INO80D: variants seen among roughly 807,000 people sequenced by gnomAD.
INO80D encodes the protein INO80 complex subunit D.
Under a neutral mutation model 87.6 loss-of-function variants are expected in INO80D, and 21 were observed. That is an observed-to-expected ratio of 0.24 (90% confidence interval 0.17 to 0.35). The LOEUF (loss-of-function observed/expected upper bound fraction) is 0.35, where lower values mean the gene tolerates loss of function less well. Among genes scored for constraint, INO80D ranks in the 10% least tolerant of loss-of-function variants. INO80D has a pLI of 1.00. For synonymous variants in INO80D, 440 were observed against 491.0 expected, an observed-to-expected ratio of 0.90 and a Z score of 1.37; for missense variants, 982 against 1,280.7, an observed-to-expected ratio of 0.77 and a Z score of 3.56.
At position 206,002,503 on chromosome 2, in the gene INO80D, T is replaced by C. The variant is rs1000787021; in HGVS notation, c.*1865A>G. 2 of 152,240 alleles carry C rather than the reference T, an allele frequency of 1.3e-5. No individual in the cohort carries two copies. The highest frequency in any genetic ancestry group is 2.9e-5 in the Non-Finnish European group (2 of 68,034). 9.4% of individuals were successfully genotyped at this position (152,240 alleles called of 1,614,324 possible). On this transcript the variant is annotated 3_prime_UTR_variant, in exon 11 of 11. Coordinates refer to ENST00000403263, the MANE Select transcript of INO80D (RefSeq NM_017759.5). ...ACTAAATATATTACAAACATATTTT[T>C]GGCCCACAAAAAGAAACATCAATAA...
chr2:206,017,085 T>C (rs1688339272), intron 8 of INO80D, among the ~76,000 whole-genome samples: 1 of 152,154 alleles, frequency 6.6e-6, no homozygotes, highest in Non-Finnish European at 1.5e-5. Flanking sequence ...AAAGCCAGGA[T>C]CACAGGTTCC....
intron 1 of INO80D, among the ~76,000 whole-genome samples, chr2:206,074,683 T>A (rs1229399554): frequency 6.6e-6 from 1 of 152,232 alleles, no homozygotes; most frequent in Non-Finnish European, 1.5e-5. Flanking sequence ...CTCACGCCTG[T>A]AATTGCAGCA....
At chr2:206,060,826 C>T (rs1275831766) in intron 3 of INO80D, among the ~76,000 whole-genome samples, 1 of 152,018 alleles carries the variant, frequency 6.6e-6, no homozygotes, top group Non-Finnish European at 1.5e-5. Context: ...TCCCAAAGTG[C>T]TGGGATTACA....
Position 206,029,641 on chromosome 2 carries a change from A to G in INO80D, c.1074-1306T>C, listed in dbSNP as rs1305390643. ...ATAACAGGCTACTCTATAAACTTCTACTTAGTACCTCTCCTAAGAAGCACA... is the reference window on the plus strand; with the variant it reads ...ATAACAGGCTACTCTATAAACTTCTGCTTAGTACCTCTCCTAAGAAGCACA... On this transcript the variant is annotated intron_variant, in intron 5 of 10. Transcript: ENST00000403263. Among the ~76,000 whole-genome samples, 7 of 152,230 alleles carry G rather than the reference A, an allele frequency of 4.6e-5. 1 individual carries two copies. The South Asian group carries it at 1.2e-3, about 27-fold the overall frequency.
At chr2:206,065,040 T>C (rs1261562094) in intron 1 of INO80D, among the ~76,000 whole-genome samples, 1 of 152,074 alleles carries the variant, frequency 6.6e-6, no homozygotes, top group Non-Finnish European at 1.5e-5. Flanking sequence ...AGAATGAAAC[T>C]AGACCCCCAC....
At position 206,056,398 on chromosome 2, in the gene INO80D, G is replaced by A. The variant is rs533369239; in HGVS notation, c.764C>T (p.Ala255Val). 45 of 1,613,924 alleles carry A rather than the reference G, an allele frequency of 2.8e-5. No individual in the cohort carries two copies. The East Asian group carries it at 7.4e-4, about 26-fold the overall frequency. ...AGGCCTCTTGTGAGACAACTGCCGT[G>A]CTTGTGCTATAGTGTGTGTGGTGGG... ...VAPTTHTIAQ[A>V]RQLSHKRPLP... The change falls in exon 4 of 11, where the codon GCA becomes GTA. Residue 255 changes from alanine (A) to valine (V), a missense_variant. Coordinates refer to ENST00000403263, the MANE Select transcript of INO80D (RefSeq NM_017759.5).
intron 1 of INO80D, among the ~76,000 whole-genome samples, chr2:206,076,498 A>T (rs35542139): frequency 0.016 from 2,363 of 152,364 alleles, 24 homozygotes; most frequent in South Asian, 0.029. Flanking sequence ...CAGACTGAGG[A>T]ATGATGAAAA....
intron 6 of INO80D, among the ~76,000 whole-genome samples, chr2:206,021,676 G>A (rs950626978): frequency 5.9e-5 from 9 of 152,070 alleles, no homozygotes; most frequent in East Asian, 1.9e-4. Flanking sequence ...GCAATGGTGC[G>A]ATCTCGACTC....
chr2:206,050,468 G>A (rs1482061368), intron 4 of INO80D, among the ~76,000 whole-genome samples: 1 of 136,180 alleles, frequency 7.3e-6, no homozygotes, highest in Admixed American at 8.1e-5. Flanking sequence ...TTGCAGCCTG[G>A]GTGACAGAGC....
At position 206,017,668 on chromosome 2, in the gene INO80D, T is replaced by G. The variant is rs1255556792; in HGVS notation, c.1542+12A>C. The G allele has an allele frequency of 1.9e-6, 3 of 1,562,734 alleles. No individual in the cohort carries two copies. The highest frequency in any genetic ancestry group is 2.6e-6 in the Non-Finnish European group (3 of 1,157,222). ...CTACAAAAAGTTTGAAAGCCTCTGTTGCAGAACTTACCATTTTTTTGGCAT... is the reference window on the plus strand; with the variant it reads ...CTACAAAAAGTTTGAAAGCCTCTGTGGCAGAACTTACCATTTTTTTGGCAT... On this transcript the variant is annotated intron_variant, in intron 8 of 10. Coordinates refer to ENST00000403263, the MANE Select transcript of INO80D (RefSeq NM_017759.5).
chr2:206,077,081 G>T (rs1690139303), intron 1 of INO80D, among the ~76,000 whole-genome samples: 1 of 152,082 alleles, frequency 6.6e-6, no homozygotes, highest in Admixed American at 6.5e-5. Context: ...AGACCATCCT[G>T]GCTAACATGG....
At chr2:206,048,851 T>C (rs1209044174) in intron 4 of INO80D, among the ~76,000 whole-genome samples, 1 of 152,156 alleles carries the variant, frequency 6.6e-6, no homozygotes, top group Non-Finnish European at 1.5e-5. Context: ...CAGTGAGCCA[T>C]GATCATGTAA....
chr2:206,048,667 G>T (rs1001104632), intron 4 of INO80D, among the ~76,000 whole-genome samples: 1 of 152,160 alleles, frequency 6.6e-6, no homozygotes, highest in African/African-American at 2.4e-5. Context: ...ACTGAGCCAA[G>T]GGGATCACTT....
rs1405472352 is a variant in INO80D, at chr2:206,056,616, T to C, written c.546A>G (p.Arg182=). Residue 182 remains arginine, a synonymous_variant, in exon 4 of 11, where the codon AGA becomes AGG. Transcript: ENST00000403263. ...SKLAQNRQRQ[R]ETEILKVRQE... Reference sequence around the variant, plus strand: ...GTCGAACTTTTAAAATCTCTGTCTCTCTCTGGCGCTGCCGATTCTGGGCCA... The same window carrying C: ...GTCGAACTTTTAAAATCTCTGTCTCCCTCTGGCGCTGCCGATTCTGGGCCA... 1 of 1,610,526 alleles carries C rather than the reference T, an allele frequency of 6.2e-7. No individual in the cohort carries two copies.
intron 5 of INO80D, among the ~76,000 whole-genome samples, chr2:206,035,999 A>C (rs1688881724): frequency 6.6e-6 from 1 of 152,160 alleles, no homozygotes; most frequent in Admixed American, 6.5e-5. Flanking sequence ...ACTAATTGCA[A>C]ATTTGATTTG....
At chr2:206,068,693 A>G (rs1189459916) in intron 1 of INO80D, among the ~76,000 whole-genome samples, 1 of 151,906 alleles carries the variant, frequency 6.6e-6, no homozygotes. Flanking sequence ...ACTTTTGAGC[A>G]ATTTTTTTTT....
chr2:206,011,441 C>T (rs953882874), intron 8 of INO80D, among the ~76,000 whole-genome samples: 7 of 152,194 alleles, frequency 4.6e-5, no homozygotes, highest in South Asian at 2.1e-4. Context: ...ACCTGCCTTG[C>T]TCGCCTCCAG....
At chr2:206,017,569 T>C (rs1035028995) in intron 8 of INO80D, 111 bp downstream of exon 8, 5 of 860,224 alleles carry the variant, frequency 5.8e-6, no homozygotes, top group African/African-American at 1.7e-5. Flanking sequence ...AAATCCTCTC[T>C]CAAAACTTGT....
At position 206,004,913 on chromosome 2, in the gene INO80D, G is replaced by A; in HGVS notation, c.2539C>T (p.His847Tyr). The A allele has an allele frequency of 6.2e-7, 1 of 1,614,010 alleles. No homozygotes were observed. Among genetic ancestry groups the A allele is most frequent in the Non-Finnish European group, 8.5e-7 (1 of 1,179,892 alleles). ...TTATCACCAGAGTACGATGTTGTGT[G>A]GGGAGAGGTGATATGGTCACTGTAG... Reference protein sequence around the residue: ...SPYSDHITSPHTTSYSGDNMA... With the variant: ...SPYSDHITSPYTTSYSGDNMA... Residue 847 changes from histidine to tyrosine, a missense_variant, in exon 11 of 11, where the codon CAC becomes TAC. Transcript: ENST00000403263. This position sits in a 1 kb window ranked among gnomAD's most constrained non-coding sequence, Gnocchi z 4.9.
Sources: gnomAD v4.1 joint callset for allele counts (sites outside exome capture counted in the v4.1 genomes callset) on GRCh38, gnomAD v4.1.1 for gene constraint, Gnocchi (gnomAD v3.1) non-coding constraint, MANE v1.5 for transcripts, NCBI Gene and HGNC (gene_info 2026-07-23, HGNC 2026-07-21) for gene names.